Variants in MROH6 observed in about 807,000 individuals in gnomAD.
MROH6 encodes the protein maestro heat like repeat family member 6.
Under a neutral mutation model 67.7 loss-of-function variants are expected in MROH6, and 62 were observed. The ratio of observed to expected loss-of-function variants is 0.92; its 90% CI spans 0.75 to 1.13. MROH6 has a LOEUF of 1.13. Ranked by LOEUF, MROH6 falls within the 50% of genes most tolerant of loss-of-function variation. The pLI, the probability that MROH6 is intolerant of heterozygous loss-of-function variation, is 0.00. For synonymous variants in MROH6, 566 were observed against 470.8 expected (o/e 1.20, Z -2.62); for missense variants, 1,175 against 1,029.1 (o/e 1.14, Z -1.94).
chr8:143,568,213 G>A lies in MROH6; in HGVS notation c.1693C>T (p.Leu565=). ...ARCDHAFCWG[L]LEELVTVAHY... ...GCCACGGTGACCAACTCCTCCAGCA[G>A]GCCCCAGCAAAAGGCGTGGTCACAG... The change falls in exon 11 of 14, where the codon CTG becomes TTG. Residue 565 remains leucine (L), a synonymous_variant. Coordinates refer to ENST00000398882, the MANE Select transcript of MROH6 (RefSeq NM_001100878.2). The A allele has an allele frequency of 3.1e-6, 5 of 1,611,380 alleles. No individual in the cohort carries two copies. The highest frequency in any genetic ancestry group is 4.2e-6 in the Non-Finnish European group (5 of 1,179,372).
In MROH6 at chr8:143,570,000, C is replaced by G. The variant is rs765460357; in HGVS notation, c.1109G>C (p.Arg370Pro). 1.9e-6 allele frequency: 3 copies of G among 1,612,998 alleles called. No individual in the cohort carries two copies. The highest frequency in any genetic ancestry group is 1.3e-5 in the African/African-American group (1 of 74,932). ...GAGACGCTGCGGGTCGTCCGCGCTG[C>G]GAAGCCGAGGGAGCAAGTCTGCGAA... ...GLFADLLPRL[R>P]SADDPQRLTA... is the part of the protein sequence containing the mutation. Residue 370 changes from arginine (R) to proline (P), a missense_variant, in exon 7 of 14, where the codon CGC (arginine) becomes CCC (proline). By Grantham distance (103) the Arg-to-Pro change is moderately radical. Transcript: ENST00000398882.
Position 143,568,248 on chromosome 8 carries a change from G to A in MROH6, c.1658C>T (p.Thr553Ile), listed in dbSNP as rs1823750059. The A allele has an allele frequency of 1.2e-6, 2 of 1,609,462 alleles. No homozygotes were observed. The highest frequency in any genetic ancestry group is 1.7e-6 in the Non-Finnish European group (2 of 1,178,518). Residue 553 changes from threonine to isoleucine, a missense_variant, in exon 11 of 14, where the codon ACC becomes ATC. Physicochemically the swap from Thr to Ile is moderately conservative, Grantham distance 89. Transcript: ENST00000398882. ...SRDAAESSEW[T>I]LARCDHAFCW... is the part of the protein sequence containing the mutation. ...AAAGGCGTGGTCACAGCGGGCCAGG[G>A]TCCACTCTGAGCTCTGGGATAGGGG...
At chr8:143,570,722 C>A (rs1563920055) in intron 4 of MROH6, 65 bp from the exon 5 acceptor site, 1 of 1,516,568 alleles carries the variant, frequency 6.6e-7, no homozygotes, top group South Asian at 1.2e-5. Flanking sequence ...AGCAGAGGGA[C>A]AGGCGTGCTG....
At chr8:143,569,329 A>T in intron 9 of MROH6, 112 bp downstream of exon 9, 1 of 714,100 alleles carries the variant, frequency 1.4e-6, no homozygotes, top group South Asian at 2.6e-5. Context: ...GGGGCCTGAG[A>T]GGGCGGGGCC....
Position 143,567,074 on chromosome 8 carries a change from T to G in MROH6, c.*165A>C. Reference sequence around the variant, plus strand: ...TGCTGGCTGTCCCCCTCTGTCACCATCAGGGTGGTGGGTGCCTGAAGAGGG... The same window carrying G: ...TGCTGGCTGTCCCCCTCTGTCACCAGCAGGGTGGTGGGTGCCTGAAGAGGG... On this transcript the variant is annotated 3_prime_UTR_variant, in exon 14 of 14. Coordinates refer to ENST00000398882, the MANE Select transcript of MROH6 (RefSeq NM_001100878.2). The G allele has an allele frequency of 3.6e-6, 1 of 276,206 alleles. No homozygotes were observed. Among genetic ancestry groups the G allele is most frequent in the Non-Finnish European group, 5.8e-6 (1 of 171,768 alleles). 17.1% of individuals were successfully genotyped at this position (276,206 alleles called of 1,614,324 possible).
chr8:143,567,407 G>C lies in MROH6; in HGVS notation c.1992C>G (p.Ser664=). ...KPAVAAAAHV[S]AQQVAMLARA... ...GGGCCAGCATCGCCACCTGCTGAGC[G>C]GACACGTGCGCTGCCGCGGCCACAG... is the stretch of plus-strand genomic sequence containing the variant. Residue 664 remains serine, a synonymous_variant, in exon 14 of 14, where the codon TCC becomes TCG. Coordinates refer to ENST00000398882, the MANE Select transcript of MROH6 (RefSeq NM_001100878.2). 7.7e-7 allele frequency: 1 copy of C among 1,292,340 alleles called. No homozygotes were observed. The highest frequency in any genetic ancestry group is 3.1e-5 in the East Asian group (1 of 32,168). 80.1% of individuals were successfully genotyped at this position (1,292,340 alleles called of 1,614,324 possible). A position where few individuals can be genotyped will look rare whatever the true frequency, so the allele number is the denominator to read the frequency against.
intron 1 of MROH6, 86 bp from the exon 2 acceptor site, chr8:143,572,271 A>T (rs1200880057): frequency 5.1e-6 from 8 of 1,561,552 alleles, no homozygotes; most frequent in Non-Finnish European, 6.9e-6. Context: ...CTGGCTTCCT[A>T]CAAAATCCCT....
rs1281719729 is a variant in MROH6, at chr8:143,567,148, C to G, written c.*91G>C. The G allele has an allele frequency of 1.4e-6, 1 of 698,352 alleles. No homozygotes were observed. The highest frequency in any genetic ancestry group is 1.9e-5 in the African/African-American group (1 of 53,572). 43.3% of individuals were successfully genotyped at this position (698,352 alleles called of 1,614,324 possible). A position where few individuals can be genotyped will look rare whatever the true frequency, so the allele number is the denominator to read the frequency against. ...AGGGCATTGGCGTCCAGCACCAGGC[C>G]CAGGGAGCCCCTCCGTCAGGGCGGG... On this transcript the variant is annotated 3_prime_UTR_variant, in exon 14 of 14. Coordinates refer to ENST00000398882, the MANE Select transcript of MROH6 (RefSeq NM_001100878.2).
Position 143,570,523 on chromosome 8 carries a change from C to T in MROH6, c.855G>A (p.Met285Ile), listed in dbSNP as rs1457322017. 2 of 1,612,504 alleles carry T rather than the reference C, an allele frequency of 1.2e-6. No individual in the cohort carries two copies. The highest frequency in any genetic ancestry group is 1.7e-6 in the Non-Finnish European group (2 of 1,179,834). The change falls in exon 5 of 14, where the codon ATG (methionine) becomes ATA (isoleucine). Residue 285 changes from methionine (M) to isoleucine (I), a missense_variant. Physicochemically the swap from Met to Ile is conservative, Grantham distance 10. Coordinates refer to ENST00000398882, the MANE Select transcript of MROH6 (RefSeq NM_001100878.2). ...GGTGGGACAGAACCCAAATCTTGGG[C>T]ATGTCGGGGGAGCACGGGCTGCGGG... Reference protein sequence around the residue: ...KLARSPCSPDMPKIWVLSHRG... With the variant: ...KLARSPCSPDIPKIWVLSHRG...
chr8:143,572,053 C>T lies in MROH6; in HGVS notation c.427G>A (p.Gly143Ser), dbSNP rs1471753379. ...LTLSSALEAR[G>S]ERLEDQVHAL... ...CTGACCTGGTCCTCCAACCGCTCGC[C>T]CCGGGCCTCCAGGGCTGAGGACAGG... Residue 143 changes from glycine (G) to serine (S), a missense_variant, in exon 2 of 14, where the codon GGC (glycine) becomes AGC (serine). By Grantham distance (56) the Gly-to-Ser change is moderately conservative. Transcript: ENST00000398882. The T allele has an allele frequency of 6.2e-6, 10 of 1,612,124 alleles. No homozygotes were observed. The highest frequency in any genetic ancestry group is 1.1e-5 in the South Asian group (1 of 91,008).
chr8:143,568,011 A>G (rs2130606733), intron 11 of MROH6, 123 bp from the exon 12 acceptor site: 1 of 1,451,784 alleles, frequency 6.9e-7, no homozygotes, highest in South Asian at 1.4e-5. Context: ...ATGGTCGGAG[A>G]CCTTGGACTT....
intron 9 of MROH6, 71 bp from the exon 10 acceptor site, chr8:143,568,790 C>T (rs1823796851): frequency 1.6e-6 from 2 of 1,226,220 alleles, no homozygotes; most frequent in South Asian, 3.2e-5. Flanking sequence ...GGGCGGCCAG[C>T]GCGGAGCGAG....
intron 9 of MROH6, 84 bp downstream of exon 9, chr8:143,569,357 G>T (rs1716644190): frequency 1.6e-6 from 2 of 1,221,858 alleles, no homozygotes; most frequent in African/African-American, 1.7e-5. Context: ...GAGAGACGGG[G>T]GCGGGGCCTG....
chr8:143,568,926 G>A (rs1408275018), intron 9 of MROH6: 10 of 481,956 alleles, frequency 2.1e-5, no homozygotes, highest in Non-Finnish European at 2.9e-5. Context: ...AAGGGATGGG[G>A]TCCGGAAGGA....
Position 143,572,491 on chromosome 8 carries a change from A to G in MROH6, c.224T>C (p.Val75Ala). ...GCAGGGCTCGCTGCCAGCTTCAGGG[A>G]CGGTGGCCCCACGTCCAGGCTCTGC... ...SEAEPGRGAT[V>A]PEAGSEPCSL... Residue 75 changes from valine to alanine, a missense_variant, in exon 1 of 14, where the codon GTC becomes GCC. Transcript: ENST00000398882. The G allele has an allele frequency of 6.2e-7, 1 of 1,604,318 alleles. No individual in the cohort carries two copies. Among genetic ancestry groups the G allele is most frequent in the Non-Finnish European group, 8.5e-7 (1 of 1,177,298 alleles).
chr8:143,569,470 C>G lies in MROH6; in HGVS notation c.1447G>C (p.Gly483Arg). 2 of 1,470,626 alleles carry G rather than the reference C, an allele frequency of 1.4e-6. No individual in the cohort carries two copies. Among genetic ancestry groups the G allele is most frequent in the Middle Eastern group, 2.4e-4 (1 of 4,114 alleles). The allele number at this position is 1,470,626 out of a possible 1,614,324, so 91.1% of individuals were successfully genotyped here. The part of the protein sequence containing the change: ...APVRLLSAEL[G>R]PRLPPLLDDT... The stretch of plus-strand genomic sequence containing the variant: ...TCCAGTAGCGGAGGGAGGCGCGGTC[C>G]CAGCTCCGCGCTCAGGAGCCGCACA... Residue 483 changes from glycine to arginine, a missense_variant, in exon 9 of 14, where the codon GGA becomes CGA. Transcript: ENST00000398882.
Position 143,569,777 on chromosome 8 carries a change from T to C in MROH6, c.1222A>G (p.Thr408Ala). Reference sequence around the variant, plus strand: ...GTGGGTTCGGGGTCTCCCTGCCAGGTGAGGAGTCGCTCCAGGATGACCTCC... The same window carrying C: ...GTGGGTTCGGGGTCTCCCTGCCAGGCGAGGAGTCGCTCCAGGATGACCTCC... ...REEVILERLL[T>A]WQGDPEPTVR... Residue 408 changes from threonine to alanine, a missense_variant, in exon 8 of 14, where the codon ACC (threonine) becomes GCC (alanine). Physicochemically the swap from Thr to Ala is moderately conservative, Grantham distance 58. Transcript: ENST00000398882. The C allele has an allele frequency of 1.2e-6, 2 of 1,612,748 alleles. No homozygotes were observed. Among genetic ancestry groups the C allele is most frequent in the South Asian group, 2.2e-5 (2 of 91,032 alleles).
At chr8:143,568,892 A>G (rs80190095) in intron 9 of MROH6, 173 bp from the exon 10 acceptor site, 103,762 of 532,182 alleles carry the variant, frequency 0.19, 10,839 homozygotes, top group Middle Eastern at 0.27. Flanking sequence ...AAGCCTGGAG[A>G]GCCCCTGCAG....
chr8:143,568,792 C>T lies in MROH6; in HGVS notation c.1477-73G>A, dbSNP rs995070377. The T allele has an allele frequency of 1.2e-5, 14 of 1,209,236 alleles. No individual in the cohort carries two copies. In the African/African-American group the frequency reaches 2.1e-4, roughly 18 times the overall value. 74.9% of individuals were successfully genotyped at this position (1,209,236 alleles called of 1,614,324 possible). ...CAAGGGTGGGAGGGGGCGGCCAGCGCGGAGCGAGGAAGCGGCGGGTCTAGG... is the reference window on the plus strand; with the variant it reads ...CAAGGGTGGGAGGGGGCGGCCAGCGTGGAGCGAGGAAGCGGCGGGTCTAGG... On this transcript the variant is annotated intron_variant, in intron 9 of 13. Coordinates refer to ENST00000398882, the MANE Select transcript of MROH6 (RefSeq NM_001100878.2).
Sources: allele counts gnomAD v4.1 joint callset, GRCh38; gene constraint gnomAD v4.1.1; transcripts MANE v1.5; gene names NCBI Gene and HGNC (gene_info 2026-07-23, HGNC 2026-07-21).